PPP1R2: variants seen among roughly 807,000 people sequenced by gnomAD.
PPP1R2 encodes the protein protein phosphatase inhibitor 2.
Under a neutral mutation model 29.9 loss-of-function variants are expected in PPP1R2, and 16 were observed. That is an observed-to-expected ratio of 0.53 (90% CI 0.36 to 0.81). The LOEUF is 0.81. Ranked by LOEUF, PPP1R2 falls within the 30% of genes least tolerant of loss-of-function variation. PPP1R2 has a pLI of 0.00. For synonymous variants in PPP1R2, 76 were observed against 91.5 expected, an observed-to-expected ratio of 0.83 and a Z score of 0.96; for missense variants, 197 against 252.7, an observed-to-expected ratio of 0.78 and a Z score of 1.49.
intron 4 of PPP1R2, 26 bp downstream of exon 4, chr3:195,523,666 T>G (rs950288636): frequency 6.4e-7 from 1 of 1,570,402 alleles, no homozygotes; most frequent in Non-Finnish European, 8.8e-7. Context: ...AGCACCATGA[T>G]GAAAGCAGTA....
intron 1 of PPP1R2, among the ~76,000 whole-genome samples, chr3:195,538,569 C>G (rs1197289877): frequency 6.6e-6 from 1 of 152,096 alleles, no homozygotes; most frequent in Non-Finnish European, 1.5e-5. Flanking sequence ...TATTCCACAT[C>G]CCTTTATAGG....
At chr3:195,537,531 G>A (rs1719442586) in intron 1 of PPP1R2, among the ~76,000 whole-genome samples, 1 of 146,214 alleles carries the variant, frequency 6.8e-6, no homozygotes, top group South Asian at 2.2e-4. Context: ...TTCCATTTCA[G>A]CAGGTATAAA....
At chr3:195,518,293 C>G (rs1718622825) in intron 5 of PPP1R2, among the ~76,000 whole-genome samples, 1 of 152,116 alleles carries the variant, frequency 6.6e-6, no homozygotes, top group South Asian at 2.1e-4. Flanking sequence ...TCAAAAGAAT[C>G]CGTATTGGAA....
intron 1 of PPP1R2, among the ~76,000 whole-genome samples, chr3:195,534,762 T>A (rs1479443185): frequency 6.6e-6 from 1 of 152,110 alleles, no homozygotes; most frequent in African/African-American, 2.4e-5. Flanking sequence ...GGCACAATCA[T>A]AGCTCACTGC....
intron 4 of PPP1R2, among the ~76,000 whole-genome samples, chr3:195,520,667 T>TA (rs1391255255): frequency 6.6e-6 from 1 of 152,144 alleles, no homozygotes; most frequent in Non-Finnish European, 1.5e-5. Context: ...TAAGGGTATT[T>TA]ACAGTACTTT....
chr3:195,536,767 G>A (rs1028335442), intron 1 of PPP1R2, among the ~76,000 whole-genome samples: 8 of 122,428 alleles, frequency 6.5e-5, no homozygotes, highest in South Asian at 2.6e-4. Context: ...CAGCCTGGGC[G>A]ACAAGAGCGA....
chr3:195,535,563 G>A (rs1425917971), intron 1 of PPP1R2, among the ~76,000 whole-genome samples: 1 of 152,166 alleles, frequency 6.6e-6, no homozygotes, highest in African/African-American at 2.4e-5. Context: ...TTCAAGATAT[G>A]GATCCTGAAA....
intron 1 of PPP1R2, among the ~76,000 whole-genome samples, chr3:195,541,465 T>TC (rs1719594876): frequency 7.0e-6 from 1 of 142,566 alleles, no homozygotes. Flanking sequence ...CTTTTTTTTT[T>TC]TTTTTTTTTT....
At chr3:195,526,103 A>ATTTTTTT (rs71180929) in intron 2 of PPP1R2, among the ~76,000 whole-genome samples, 3 of 145,998 alleles carry the variant, frequency 2.1e-5, no homozygotes, top group Non-Finnish European at 3.0e-5. Flanking sequence ...CTTAAATAAA[A>ATTTTTTT]TTTTTTTTTT....
At position 195,523,548 on chromosome 3, in the gene PPP1R2, T is replaced by C; in HGVS notation, c.403+144A>G. On this transcript the variant is annotated intron_variant, in intron 4 of 5. Transcript: ENST00000618156. Reference sequence around the variant, plus strand: ...ATTACACAACAAAACACACAAGTAGTATCTGAATTATAAAGATGTTGCTTT... The same window carrying C: ...ATTACACAACAAAACACACAAGTAGCATCTGAATTATAAAGATGTTGCTTT... 3 of 649,984 alleles carry C rather than the reference T, an allele frequency of 4.6e-6. No homozygotes were observed. The South Asian group carries it at 5.6e-5, about 12-fold the overall frequency. 40.3% of individuals were successfully genotyped at this position (649,984 alleles called of 1,614,324 possible). A position where few individuals can be genotyped will look rare whatever the true frequency, so the allele number is the denominator to read the frequency against.
chr3:195,542,877 T>C, intron 1 of PPP1R2, 27 bp downstream of exon 1: 2 of 1,583,048 alleles, frequency 1.3e-6, no homozygotes, highest in Non-Finnish European at 1.7e-6. Flanking sequence ...AAGGAGGGGC[T>C]CCCAGGCCGT....
At chr3:195,541,450 CT>C (rs1226032990) in intron 1 of PPP1R2, among the ~76,000 whole-genome samples, 4 of 123,014 alleles carry the variant, frequency 3.3e-5, no homozygotes, top group Non-Finnish European at 6.7e-5. Flanking sequence ...CTTTTCTTTT[CT>C]TTCCTTTTTT....
chr3:195,534,183 G>A (rs1254766851), intron 1 of PPP1R2, among the ~76,000 whole-genome samples: 1 of 152,056 alleles, frequency 6.6e-6, no homozygotes, highest in Non-Finnish European at 1.5e-5. Flanking sequence ...CAGGCATGAT[G>A]GCACACACAC....
chr3:195,526,164 C>T (rs1402256673), intron 2 of PPP1R2, among the ~76,000 whole-genome samples: 10 of 149,802 alleles, frequency 6.7e-5, no homozygotes, highest in East Asian at 2.0e-4. Flanking sequence ...GGCACCATCA[C>T]GGCTCACTAC....
At chr3:195,521,372 G>A (rs1353033974) in intron 4 of PPP1R2, among the ~76,000 whole-genome samples, 2 of 131,928 alleles carry the variant, frequency 1.5e-5, no homozygotes, top group Non-Finnish European at 3.2e-5. Flanking sequence ...AGACAATAAA[G>A]TATATGAACA....
At chr3:195,520,425 A>G (rs998721737) in intron 4 of PPP1R2, among the ~76,000 whole-genome samples, 11 of 152,160 alleles carry the variant, frequency 7.2e-5, no homozygotes, top group Non-Finnish European at 1.3e-4. Context: ...CCTGGGCAAC[A>G]TGGCAAGAAC....
intron 2 of PPP1R2, among the ~76,000 whole-genome samples, chr3:195,526,480 G>A (rs368005440): frequency 1.3e-5 from 2 of 152,274 alleles, no homozygotes; most frequent in East Asian, 3.9e-4. Context: ...GCAGGACACA[G>A]GTTATCTCTG....
At chr3:195,525,275 C>G (rs1344820032) in intron 2 of PPP1R2, among the ~76,000 whole-genome samples, 1 of 152,022 alleles carries the variant, frequency 6.6e-6, no homozygotes, top group Non-Finnish European at 1.5e-5. Flanking sequence ...CAACTATTTG[C>G]ACAGTATTTA....
intron 2 of PPP1R2, among the ~76,000 whole-genome samples, chr3:195,527,308 G>A (rs1226586228): frequency 6.6e-6 from 1 of 151,864 alleles, no homozygotes; most frequent in Non-Finnish European, 1.5e-5. Flanking sequence ...AAACTAGCCA[G>A]GCGTGGTAGT....
Sources: gnomAD v4.1 joint callset for allele counts (sites outside exome capture counted in the v4.1 genomes callset) on GRCh38, gnomAD v4.1.1 for gene constraint, MANE v1.5 for transcripts, NCBI Gene and HGNC (gene_info 2026-07-23, HGNC 2026-07-21) for gene names.